PRKG2: variants seen among roughly 807,000 people sequenced by gnomAD.
PRKG2 encodes cGMP-dependent protein kinase 2.
Under a neutral mutation model 97.2 loss-of-function variants are expected in PRKG2, and 33 were observed. That is an observed-to-expected ratio of 0.34 (90% confidence interval 0.26 to 0.45). The LOEUF (loss-of-function observed/expected upper bound fraction) is 0.45. Ranked by LOEUF, PRKG2 falls within the 20% of genes least tolerant of loss-of-function variation. PRKG2 has a pLI of 1.00. For missense variants in PRKG2, 638 were observed against 900.0 expected (o/e 0.71, Z 3.73); for synonymous variants, 330 against 321.8 (o/e 1.03, Z -0.27).
chr4:81,146,551 T>C (rs1434268313), intron 9 of PRKG2, among the ~76,000 whole-genome samples: 5 of 152,144 alleles, frequency 3.3e-5, no homozygotes, highest in Non-Finnish European at 5.9e-5. Flanking sequence ...ATCTAAGCCT[T>C]TGTTAAAATC....
At chr4:81,187,399 G>C (rs1019494806) in intron 2 of PRKG2, among the ~76,000 whole-genome samples, 1 of 152,148 alleles carries the variant, frequency 6.6e-6, no homozygotes, top group African/African-American at 2.4e-5. Context: ...AATAGATGCA[G>C]AAAAGGACTT....
intron 14 of PRKG2, among the ~76,000 whole-genome samples, chr4:81,123,681 G>C (rs1180658854): frequency 6.6e-6 from 1 of 152,188 alleles, no homozygotes; most frequent in Non-Finnish European, 1.5e-5. Flanking sequence ...TGGGATTACA[G>C]GCTTGAGCCA....
chr4:81,110,335 A>C, intron 15 of PRKG2, 113 bp downstream of exon 15: 5 of 1,160,126 alleles, frequency 4.3e-6, no homozygotes, highest in Non-Finnish European at 6.0e-6. Flanking sequence ...ATCATACTTA[A>C]TCGAAAACAT....
intron 2 of PRKG2, among the ~76,000 whole-genome samples, chr4:81,183,817 T>A (rs1156798816): frequency 6.6e-6 from 1 of 152,068 alleles, no homozygotes. Context: ...GGAAGGGGTG[T>A]CTGCCATTAT....
intron 6 of PRKG2, among the ~76,000 whole-genome samples, chr4:81,160,514 A>G (rs1321899390): frequency 6.6e-6 from 1 of 152,158 alleles, no homozygotes; most frequent in East Asian, 1.9e-4. Flanking sequence ...TGGGCTCTAG[A>G]AAAAGAACAA....
Position 81,106,014 on chromosome 4 carries a change from T to C in PRKG2, c.1941-79A>G, listed in dbSNP as rs939256334. 3.9e-5 allele frequency: 57 copies of C among 1,468,154 alleles called. No individual in the cohort carries two copies. The African/African-American group carries it at 6.4e-4, about 16-fold the overall frequency. The allele number at this position is 1,468,154 out of a possible 1,614,324, so 90.9% of individuals were successfully genotyped here. ...ATTTGGAATGAATTTTCTTTCTTCC[T>C]TCTTTCCTTCCCTCCCTTCTTTCAT... On this transcript the variant is annotated intron_variant, in intron 15 of 18. Coordinates refer to ENST00000264399, the MANE Select transcript of PRKG2 (RefSeq NM_006259.3).
At chr4:81,195,853 T>A (rs953564045) in intron 2 of PRKG2, among the ~76,000 whole-genome samples, 5 of 152,206 alleles carry the variant, frequency 3.3e-5, no homozygotes, top group Non-Finnish European at 7.3e-5. Flanking sequence ...TTTTTATGCA[T>A]GGCTTTACCT....
At chr4:81,212,861 G>T (rs1432014302) in intron 1 of PRKG2, among the ~76,000 whole-genome samples, 1 of 152,146 alleles carries the variant, frequency 6.6e-6, no homozygotes, top group East Asian at 1.9e-4. Context: ...GATGTGAAGA[G>T]ATTAATATTA....
At chr4:81,155,340 A>C (rs1336291910) in intron 6 of PRKG2, among the ~76,000 whole-genome samples, 1 of 152,020 alleles carries the variant, frequency 6.6e-6, no homozygotes, top group Non-Finnish European at 1.5e-5. Context: ...GCAATGGAAG[A>C]TGAAATGAAT....
At chr4:81,178,598 T>G (rs1020080260) in intron 2 of PRKG2, among the ~76,000 whole-genome samples, 1 of 151,198 alleles carries the variant, frequency 6.6e-6, no homozygotes, top group Non-Finnish European at 1.5e-5. Context: ...CAGTTTGCAA[T>G]CCGATAAAAT....
chr4:81,136,184 G>A (rs1456802809), intron 13 of PRKG2, among the ~76,000 whole-genome samples: 1 of 152,080 alleles, frequency 6.6e-6, no homozygotes, highest in Non-Finnish European at 1.5e-5. Context: ...ATTCAAATCT[G>A]TCCAATGAAA....
rs532831999 is a variant in PRKG2 at position 81,188,215 on chromosome 4, C to T, written c.462-13256G>A. Among the ~76,000 whole-genome samples, 549 of 149,060 alleles carry T rather than the reference C, an allele frequency of 3.7e-3. 3 individuals are homozygous for T. The highest frequency in any genetic ancestry group is 0.013 in the African/African-American group (512 of 38,568). On this transcript the variant is annotated intron_variant, in intron 2 of 18. Transcript: ENST00000264399. ...ACCCCATCAAACAGTGGGTGAAGGA[C>T]ATGAACAGACACTTCTCAAAAGAAG...
At chr4:81,103,719 A>G (rs1743040105) in intron 17 of PRKG2, among the ~76,000 whole-genome samples, 1 of 152,154 alleles carries the variant, frequency 6.6e-6, no homozygotes, top group Non-Finnish European at 1.5e-5. Context: ...AAATATGTAC[A>G]GCTAGTATAG....
intron 2 of PRKG2, among the ~76,000 whole-genome samples, chr4:81,186,445 C>A (rs1021591672): frequency 2.0e-5 from 3 of 152,074 alleles, no homozygotes; most frequent in Non-Finnish European, 4.4e-5. Flanking sequence ...ACACAATGTA[C>A]CAGAATTTCT....
At chr4:81,123,082 G>A (rs938606895) in intron 14 of PRKG2, among the ~76,000 whole-genome samples, 10 of 152,174 alleles carry the variant, frequency 6.6e-5, no homozygotes, top group South Asian at 2.1e-4. Context: ...TAGATGAAGT[G>A]TATTATTTGT....
At chr4:81,196,038 C>A (rs568612181) in intron 2 of PRKG2, among the ~76,000 whole-genome samples, 7 of 152,262 alleles carry the variant, frequency 4.6e-5, no homozygotes, top group African/African-American at 1.7e-4. Context: ...CTGTAAAGGG[C>A]TTATCCAGCT....
chr4:81,186,098 G>C (rs566747351), intron 2 of PRKG2, among the ~76,000 whole-genome samples: 2 of 152,002 alleles, frequency 1.3e-5, no homozygotes, highest in East Asian at 1.9e-4. Context: ...TTCAGGACTT[G>C]ATTCAGCTCT....
intron 1 of PRKG2, among the ~76,000 whole-genome samples, chr4:81,213,555 T>C (rs931438543): frequency 1.3e-5 from 2 of 152,082 alleles, no homozygotes; most frequent in Non-Finnish European, 2.9e-5. Flanking sequence ...CAAGGGACCA[T>C]GGAAAGAGCT....
At chr4:81,183,484 T>C (rs926823248) in intron 2 of PRKG2, among the ~76,000 whole-genome samples, 1 of 152,118 alleles carries the variant, frequency 6.6e-6, no homozygotes, top group African/African-American at 2.4e-5. Flanking sequence ...TCCCATGGTC[T>C]TCACAACCTG....
Sources: allele counts gnomAD v4.1 joint callset (sites outside exome capture counted in the v4.1 genomes callset), GRCh38; gene constraint gnomAD v4.1.1; transcripts MANE v1.5; gene names NCBI Gene and HGNC (gene_info 2026-07-23, HGNC 2026-07-21).